DPH7: variants seen among roughly 807,000 people sequenced by gnomAD.
DPH7 encodes diphthamide biosynthesis 7.
In DPH7, 44 loss-of-function variants were observed where a neutral mutation model predicts 41.7. The ratio of observed to expected loss-of-function variants is 1.05; its 90% CI spans 0.83 to 1.36. DPH7 has a LOEUF of 1.36. DPH7 is among the 40% of genes most tolerant of loss of function. The pLI, the probability that DPH7 is intolerant of heterozygous loss-of-function variation, is 0.00. For synonymous variants in DPH7, 275 were observed against 238.0 expected (o/e 1.16, Z -1.43); for missense variants, 629 against 577.5 (o/e 1.09, Z -0.91).
At position 137,554,698 on chromosome 9, in the gene DPH7, T is replaced by C. The variant is rs76484285; in HGVS notation, c.*541A>G. On this transcript the variant is annotated 3_prime_UTR_variant, in exon 9 of 9. Coordinates refer to ENST00000277540, the MANE Select transcript of DPH7 (RefSeq NM_138778.5). ...CAAGCAATCCTCCTGCCTCAGCCCC[T>C]TCCAAAGTGCTGGGATTACAGGCCA... is the stretch of plus-strand genomic sequence containing the variant. 0.013 allele frequency among the ~76,000 whole-genome samples: 1,919 copies of C among 152,244 alleles called. 36 individuals are homozygous for C. The highest frequency in any genetic ancestry group is 0.044 in the African/African-American group (1,812 of 41,540).
chr9:137,565,225 G>A, intron 5 of DPH7, 71 bp from the exon 6 acceptor site: 1 of 1,535,426 alleles, frequency 6.5e-7, no homozygotes, highest in Middle Eastern at 1.7e-4. Flanking sequence ...GGCCGTTGAT[G>A]TCTGTGAGGA....
intron 5 of DPH7, among the ~76,000 whole-genome samples, chr9:137,572,121 C>T (rs1840539295): frequency 1.3e-5 from 2 of 152,160 alleles, no homozygotes; most frequent in Admixed American, 1.3e-4. Flanking sequence ...CAGCGTGAGC[C>T]ACGGCGGAGG....
At position 137,564,755 on chromosome 9, in the gene DPH7, A is replaced by G. The variant is rs1235270973; in HGVS notation, c.776+138T>C. On this transcript the variant is annotated intron_variant, in intron 7 of 8. Transcript: ENST00000277540. The stretch of plus-strand genomic sequence containing the variant: ...CCCTTTACCAAACCCATATACCTAC[A>G]CTCCGGCGAAGCACTGGCAGACGAA... 109 of 1,413,688 alleles carry G rather than the reference A, an allele frequency of 7.7e-5. 1 individual carries two copies. The highest frequency in any genetic ancestry group is 1.1e-5 in the Non-Finnish European group (11 of 1,027,032). 87.6% of individuals were successfully genotyped at this position (1,413,688 alleles called of 1,614,324 possible). A position where few individuals can be genotyped will look rare whatever the true frequency, so the allele number is the denominator to read the frequency against.
At chr9:137,561,021 C>CAAAAAA (rs869251490) in intron 8 of DPH7, among the ~76,000 whole-genome samples, 11 of 80,660 alleles carry the variant, frequency 1.4e-4, no homozygotes, top group Admixed American at 5.4e-4. Flanking sequence ...GACCCCATCT[C>CAAAAAA]AAAAAAAAAA....
At position 137,564,812 on chromosome 9, in the gene DPH7, G is replaced by A. The variant is rs192724818; in HGVS notation, c.776+81C>T. ...CAATGGTGCCAGGAGGAAAGGCAGC[G>A]AAAGAGGGAAGAAGGGCCCAGGAGC... On this transcript the variant is annotated intron_variant, in intron 7 of 8. Coordinates refer to ENST00000277540, the MANE Select transcript of DPH7 (RefSeq NM_138778.5). 5.2e-4 allele frequency: 776 copies of A among 1,503,362 alleles called. 2 individuals carry two copies. Among genetic ancestry groups the A allele is most frequent in the Admixed American group, 1.5e-3 (78 of 51,388 alleles). 93.1% of individuals were successfully genotyped at this position (1,503,362 alleles called of 1,614,324 possible). A position where few individuals can be genotyped will look rare whatever the true frequency, so the allele number is the denominator to read the frequency against.
chr9:137,563,320 C>T (rs1280443312), intron 8 of DPH7, among the ~76,000 whole-genome samples: 2 of 152,100 alleles, frequency 1.3e-5, no homozygotes, highest in Non-Finnish European at 2.9e-5. Context: ...ATCACGAGGT[C>T]AGGAGTTCCA....
At chr9:137,569,683 A>C in intron 5 of DPH7, among the ~76,000 whole-genome samples, 2 of 118,478 alleles carry the variant, frequency 1.7e-5, no homozygotes, top group East Asian at 2.9e-4. Context: ...CCCACCACCC[A>C]CCACCCACCA....
intron 3 of DPH7, chr9:137,575,541 C>T (rs1012310549): frequency 1.0e-5 from 10 of 992,906 alleles, no homozygotes; most frequent in African/African-American, 1.7e-5. Context: ...GGCCCAGCCC[C>T]GCCTGCAGCA....
rs1839170766 is a variant in DPH7, at chr9:137,564,378, G to T, written c.949+56C>A. 8 of 1,563,308 alleles carry T rather than the reference G, an allele frequency of 5.1e-6. No individual in the cohort carries two copies. The Admixed American group carries it at 1.4e-4, about 28-fold the overall frequency. On this transcript the variant is annotated intron_variant, in intron 8 of 8. Transcript: ENST00000277540. ...TGAGGGAAGAGCCCAGCAGAGCGAGGGGGCAGGGAACTGGTGCCCTGCCCT... is the reference window on the plus strand; with the variant it reads ...TGAGGGAAGAGCCCAGCAGAGCGAGTGGGCAGGGAACTGGTGCCCTGCCCT...
At chr9:137,578,222 T>C (rs1841775416) in intron 1 of DPH7, 1 of 153,952 alleles carries the variant, frequency 6.5e-6, no homozygotes, top group South Asian at 2.1e-4. Context: ...TGGAATGCAG[T>C]GGTGCGATCT....
rs770644892 is a variant in DPH7 at position 137,555,409 on chromosome 9, T to C, written c.1189A>G (p.Lys397Glu). 6.2e-7 allele frequency: 1 copy of C among 1,614,162 alleles called. No homozygotes were observed. The highest frequency in any genetic ancestry group is 8.5e-7 in the Non-Finnish European group (1 of 1,180,016). ...EGHARPQSGM[K>E]PLTEGMRKNG... ...TTCCTCATGCCCTCTGTGAGTGGCTTCATTCCACTCTGGGGTCTGGCATGG... is the reference window on the plus strand; with the variant it reads ...TTCCTCATGCCCTCTGTGAGTGGCTCCATTCCACTCTGGGGTCTGGCATGG... The change falls in exon 9 of 9, where the codon AAG becomes GAG. Residue 397 changes from lysine (K) to glutamate (E), a missense_variant. Lys to Glu is a moderately conservative substitution (Grantham distance 56, BLOSUM62 1). Coordinates refer to ENST00000277540, the MANE Select transcript of DPH7 (RefSeq NM_138778.5).
chr9:137,578,057 C>G, intron 1 of DPH7: 1 of 934,838 alleles, frequency 1.1e-6, no homozygotes, highest in Non-Finnish European at 1.3e-6. Flanking sequence ...GTGGCTCGTG[C>G]CTGTGGTGCC....
chr9:137,571,255 C>T (rs747154279), intron 5 of DPH7, among the ~76,000 whole-genome samples: 3 of 151,838 alleles, frequency 2.0e-5, no homozygotes, highest in African/African-American at 4.8e-5. Context: ...GGTGCGATCT[C>T]GGCTCACTGC....
In DPH7 at chr9:137,576,155, C is replaced by T. The variant is rs139694147; in HGVS notation, c.300G>A (p.Pro100=). 4.0e-4 allele frequency: 649 copies of T among 1,613,764 alleles called. No individual in the cohort carries two copies. Among genetic ancestry groups the T allele is most frequent in the Non-Finnish European group, 5.2e-4 (616 of 1,180,012 alleles). ...AILDMKWCHI[P]VAGHALLGLA... ...AGCCCAAGAGGGCATGTCCAGCCAC[C>T]GGGATGTGACACCTGAGGAGAGGGC... Residue 100 remains proline, a synonymous_variant, in exon 3 of 9, where the codon CCG becomes CCA. Coordinates refer to ENST00000277540, the MANE Select transcript of DPH7 (RefSeq NM_138778.5).
At chr9:137,575,411 T>A in intron 3 of DPH7, 1 of 988,818 alleles carries the variant, frequency 1.0e-6, no homozygotes, top group Non-Finnish European at 1.2e-6. Context: ...TTTCCTGGGT[T>A]CATGCACTCC....
chr9:137,576,373 A>ACTTC (rs761387581), intron 2 of DPH7: 26 of 560,438 alleles, frequency 4.6e-5, no homozygotes, highest in Non-Finnish European at 7.4e-5. Flanking sequence ...ACTGCAGGCA[A>ACTTC]GTGTGACACA....
At chr9:137,577,940 G>A in intron 1 of DPH7, 1 of 983,056 alleles carries the variant, frequency 1.0e-6, no homozygotes, top group Non-Finnish European at 1.2e-6. Context: ...CAGAAGTTAA[G>A]ATATAATTCC....
Position 137,564,584 on chromosome 9 carries a change from A to C in DPH7, c.799T>G (p.Trp267Gly). 1 of 1,613,576 alleles carries C rather than the reference A, an allele frequency of 6.2e-7. No individual in the cohort carries two copies. The highest frequency in any genetic ancestry group is 8.5e-7 in the Non-Finnish European group (1 of 1,179,568). Reference sequence around the variant, plus strand: ...GGCTGCTTCATGTTTCGTGTGTCCCACAGTAGGATGTGTTCATCATAGCTG... The same window carrying C: ...GGCTGCTTCATGTTTCGTGTGTCCCCCAGTAGGATGTGTTCATCATAGCTG... ...TGSYDEHILL[W>G]DTRNMKQPLA... Residue 267 changes from tryptophan to glycine, a missense_variant, in exon 8 of 9, where the codon TGG becomes GGG. Transcript: ENST00000277540.
At chr9:137,577,655 C>T (rs1425305165) in intron 1 of DPH7, 52 bp from the exon 2 acceptor site, 2 of 1,593,994 alleles carry the variant, frequency 1.3e-6, no homozygotes, top group Non-Finnish European at 1.7e-6. Flanking sequence ...CGAAGGAACC[C>T]AAAGGATGGG....
Sources: allele counts gnomAD v4.1 joint callset (sites outside exome capture counted in the v4.1 genomes callset), GRCh38; gene constraint gnomAD v4.1.1; transcripts MANE v1.5; gene names NCBI Gene and HGNC (gene_info 2026-07-23, HGNC 2026-07-21).